The following PHF24 variants were observed in gnomAD, a reference collection of about 807,000 sequenced individuals.
PHF24 encodes PHD finger protein 24.
Under a neutral mutation model 42.6 loss-of-function variants are expected in PHF24, and 25 were observed. The observed-to-expected ratio is 0.59, with a 90% CI of 0.43 to 0.82. The LOEUF (loss-of-function observed/expected upper bound fraction) is 0.82, where lower values mean the gene tolerates loss of function less well. Among genes scored for constraint, PHF24 ranks in the 40% least tolerant of loss-of-function variants. PHF24 has a pLI of 0.00. For synonymous variants in PHF24, 185 were observed against 204.8 expected, an observed-to-expected ratio of 0.90 and a Z score of 0.83; for missense variants, 470 against 538.1, an observed-to-expected ratio of 0.87 and a Z score of 1.25.
the PHF24 span, among the ~76,000 whole-genome samples, chr9:34,750,665 T>C: frequency 1.3e-5 from 2 of 151,854 alleles, no homozygotes. Flanking sequence ...TATTTGCAAG[T>C]CTCATAGTAA....
upstream of PHF24, among the ~76,000 whole-genome samples, chr9:34,954,010 C>T (rs1257306488): frequency 1.3e-5 from 2 of 152,064 alleles, no homozygotes; most frequent in Admixed American, 1.3e-4. Flanking sequence ...CTGGCTGAAG[C>T]ATTCAAAGGG....
the PHF24 span, among the ~76,000 whole-genome samples, chr9:34,868,090 C>T: frequency 6.6e-6 from 1 of 152,088 alleles, no homozygotes; most frequent in Non-Finnish European, 1.5e-5. Flanking sequence ...AAAAATCACC[C>T]ATACTTAGCA....
chr9:34,954,590 T>TC, upstream of PHF24, among the ~76,000 whole-genome samples: 1 of 152,264 alleles, frequency 6.6e-6, no homozygotes, highest in African/African-American at 2.4e-5. Flanking sequence ...CATTCTGATT[T>TC]CCCCCCACAG....
At chr9:34,926,668 C>T in the PHF24 span, among the ~76,000 whole-genome samples, 1 of 151,916 alleles carries the variant, frequency 6.6e-6, no homozygotes, top group Admixed American at 6.6e-5. The surrounding 1 kb of genome is among the most constrained non-coding windows in gnomAD (Gnocchi z 4.3). Context: ...GCTGTGTTGG[C>T]GTAGGAGACA....
At chr9:34,844,196 T>C in the PHF24 span, among the ~76,000 whole-genome samples, 1 of 152,178 alleles carries the variant, frequency 6.6e-6, no homozygotes, top group African/African-American at 2.4e-5. Flanking sequence ...TTTTTCTTAA[T>C]GTAACTAAAG....
chr9:34,883,018 A>G, the PHF24 span, among the ~76,000 whole-genome samples: 9 of 152,240 alleles, frequency 5.9e-5, no homozygotes, highest in African/African-American at 1.7e-4. Flanking sequence ...AAACAGAGAT[A>G]TAGATCAATG....
the PHF24 span, among the ~76,000 whole-genome samples, chr9:34,870,080 A>G: frequency 6.6e-6 from 1 of 152,104 alleles, no homozygotes; most frequent in African/African-American, 2.4e-5. Context: ...GAGCAGTTTT[A>G]GGTTCACAGT....
the PHF24 span, among the ~76,000 whole-genome samples, chr9:34,799,975 G>C: frequency 6.6e-6 from 1 of 152,126 alleles, no homozygotes; most frequent in African/African-American, 2.4e-5. Context: ...AGACAACAGA[G>C]ACTTGGAAGG....
the PHF24 span, among the ~76,000 whole-genome samples, chr9:34,852,508 T>G: frequency 7.2e-5 from 11 of 152,348 alleles, no homozygotes; most frequent in East Asian, 2.1e-3. Flanking sequence ...AAAGTCTTTA[T>G]CTCTCCTTAA....
chr9:34,864,424 A>G, the PHF24 span, among the ~76,000 whole-genome samples: 1 of 152,186 alleles, frequency 6.6e-6, no homozygotes, highest in Non-Finnish European at 1.5e-5. Flanking sequence ...ATAACATACA[A>G]TGGAGCTCCA....
At chr9:34,821,144 T>C in the PHF24 span, among the ~76,000 whole-genome samples, 1 of 152,214 alleles carries the variant, frequency 6.6e-6, no homozygotes, top group Non-Finnish European at 1.5e-5. Flanking sequence ...TTGCCTCTTA[T>C]TAGGATTTTT....
At chr9:34,820,814 G>A in the PHF24 span, among the ~76,000 whole-genome samples, 1 of 152,300 alleles carries the variant, frequency 6.6e-6, no homozygotes, top group African/African-American at 2.4e-5. Flanking sequence ...TTGCCAAACT[G>A]CTTTCCACAT....
the PHF24 span, among the ~76,000 whole-genome samples, chr9:34,774,054 A>C: frequency 4.6e-5 from 7 of 152,224 alleles, no homozygotes; most frequent in African/African-American, 1.7e-4. Flanking sequence ...TACATGCAAA[A>C]ATGCAGCTGG....
chr9:34,701,781 G>A, the PHF24 span, among the ~76,000 whole-genome samples: 1 of 152,060 alleles, frequency 6.6e-6, no homozygotes, highest in South Asian at 2.1e-4. This position sits in a 1 kb window ranked among gnomAD's most constrained non-coding sequence, Gnocchi z 5.8. Flanking sequence ...AGCCTCGGGG[G>A]TCCTCTGCGG....
At chr9:34,854,503 C>T in the PHF24 span, among the ~76,000 whole-genome samples, 2 of 152,096 alleles carry the variant, frequency 1.3e-5, no homozygotes, top group Non-Finnish European at 2.9e-5. Context: ...TCAAAAATAA[C>T]TTCTTGATTT....
chr9:34,964,487 G>A (rs2043905066), intron 1 of PHF24, among the ~76,000 whole-genome samples: 1 of 152,154 alleles, frequency 6.6e-6, no homozygotes, highest in South Asian at 2.1e-4. Context: ...TTGCCCTTCA[G>A]GCTCTCCACA....
chr9:34,907,014 C>T, the PHF24 span, among the ~76,000 whole-genome samples: 3 of 152,142 alleles, frequency 2.0e-5, no homozygotes, highest in Non-Finnish European at 4.4e-5. Flanking sequence ...TTCATAGAGA[C>T]AGGTTGTCTA....
chr9:34,815,447 C>T, the PHF24 span, among the ~76,000 whole-genome samples: 4 of 152,024 alleles, frequency 2.6e-5, no homozygotes, highest in South Asian at 2.1e-4. Flanking sequence ...CTCAGCCTCC[C>T]GAGTAGCTGG....
At chr9:34,933,198 A>C in the PHF24 span, among the ~76,000 whole-genome samples, 1 of 152,158 alleles carries the variant, frequency 6.6e-6, no homozygotes, top group African/African-American at 2.4e-5. Flanking sequence ...TCAATCAATA[A>C]ATATTGCTGA....
Sources: gnomAD v4.1 joint callset for allele counts (sites outside exome capture counted in the v4.1 genomes callset) on GRCh38, gnomAD v4.1.1 for gene constraint, Gnocchi (gnomAD v3.1) non-coding constraint, MANE v1.5 for transcripts, NCBI Gene and HGNC (gene_info 2026-07-23, HGNC 2026-07-21) for gene names.